Variants in BICDL1 observed in about 807,000 individuals in gnomAD.
BICDL1 encodes BICD family like cargo adaptor 1.
A neutral mutation model predicts 76.8 loss-of-function variants in BICDL1; 20 were observed. That is an observed-to-expected ratio of 0.26 (90% CI 0.18 to 0.38). BICDL1 has a LOEUF of 0.38. Among genes scored for constraint, BICDL1 ranks in the 10% least tolerant of loss-of-function variants. The pLI is 1.00. For synonymous variants in BICDL1, 383 were observed against 337.1 expected (o/e 1.14, Z -1.49); for missense variants, 700 against 798.6 (o/e 0.88, Z 1.49).
At chr12:120,069,174 G>A (rs1215617332) in intron 4 of BICDL1, among the ~76,000 whole-genome samples, 2 of 152,020 alleles carry the variant, frequency 1.3e-5, no homozygotes, top group African/African-American at 4.8e-5. Flanking sequence ...AAGTCTAAAG[G>A]GCATATAATA....
intron 2 of BICDL1, among the ~76,000 whole-genome samples, chr12:120,003,471 A>T (rs941297353): frequency 6.6e-6 from 1 of 152,232 alleles, no homozygotes; most frequent in African/African-American, 2.4e-5. Context: ...CTACCCCTCC[A>T]TGTACTCTTT....
At chr12:120,063,117 C>T (rs769449347) in intron 3 of BICDL1, among the ~76,000 whole-genome samples, 11 of 152,184 alleles carry the variant, frequency 7.2e-5, no homozygotes, top group Middle Eastern at 6.8e-3. Context: ...TTTTTAGGGT[C>T]AGTTGTGTAT....
At chr12:120,024,751 G>A (rs1424036346) in intron 2 of BICDL1, among the ~76,000 whole-genome samples, 1 of 151,908 alleles carries the variant, frequency 6.6e-6, no homozygotes, top group African/African-American at 2.4e-5. Context: ...GCAGTGGCAC[G>A]ATCTTGGCTC....
At chr12:120,024,704 T>G (rs1330833884) in intron 2 of BICDL1, among the ~76,000 whole-genome samples, 1 of 152,076 alleles carries the variant, frequency 6.6e-6, no homozygotes, top group Non-Finnish European at 1.5e-5. Context: ...TCTTTCTTTT[T>G]TTTAACAGAG....
intron 4 of BICDL1, among the ~76,000 whole-genome samples, chr12:120,065,268 C>T (rs1308316662): frequency 1.3e-5 from 2 of 152,222 alleles, no homozygotes; most frequent in African/African-American, 4.8e-5. Context: ...CTGCTGCTGT[C>T]TTCCCAAGCT....
chr12:120,092,620 C>G (rs896776038), intron 9 of BICDL1: 2 of 985,300 alleles, frequency 2.0e-6, no homozygotes, highest in African/African-American at 3.5e-5. Flanking sequence ...GCAAGCCAAA[C>G]CGGAGGCACC....
At chr12:119,996,148 A>T (rs908925201) in intron 1 of BICDL1, among the ~76,000 whole-genome samples, 3 of 152,076 alleles carry the variant, frequency 2.0e-5, no homozygotes, top group Non-Finnish European at 4.4e-5. Flanking sequence ...CAACAGATAC[A>T]CTCGAGTGGC....
At chr12:120,042,757 A>G (rs1190373842) in intron 2 of BICDL1, among the ~76,000 whole-genome samples, 1 of 150,454 alleles carries the variant, frequency 6.6e-6, no homozygotes, top group African/African-American at 2.4e-5. Context: ...GTGAGCCGAG[A>G]TTGTGCCACT....
rs1055088761 is a variant in BICDL1, at chr12:120,079,746, G to C, written c.1453-1141G>C. 9.2e-5 allele frequency among the ~76,000 whole-genome samples: 14 copies of C among 152,212 alleles called. No homozygotes were observed. The highest frequency in any genetic ancestry group is 2.9e-4 in the African/African-American group (12 of 41,460). On this transcript the variant is annotated intron_variant, in intron 7 of 9. Coordinates refer to ENST00000548673, the MANE Select transcript of BICDL1 (RefSeq NM_001367886.1). This position sits in a 1 kb window ranked among gnomAD's most constrained non-coding sequence, Gnocchi z 4.3. ...GAAAGCTTACAGAATCAACAGGAAA[G>C]TGGGAGAACCCGGTTCCAAAACAAG... is the stretch of plus-strand genomic sequence containing the variant.
chr12:120,029,165 T>A (rs780320364), intron 2 of BICDL1, among the ~76,000 whole-genome samples: 1 of 152,136 alleles, frequency 6.6e-6, no homozygotes, highest in Non-Finnish European at 1.5e-5. Flanking sequence ...AGGCCCAAAG[T>A]GTACCCTGTT....
chr12:120,034,732 A>G (rs1312446054), intron 2 of BICDL1, among the ~76,000 whole-genome samples: 2 of 152,118 alleles, frequency 1.3e-5, no homozygotes, highest in Non-Finnish European at 2.9e-5. Context: ...TTCTAAGCTC[A>G]TTCAGGGTGT....
intron 2 of BICDL1, among the ~76,000 whole-genome samples, chr12:120,045,077 A>C: frequency 6.6e-6 from 1 of 152,158 alleles, no homozygotes; most frequent in Non-Finnish European, 1.5e-5. Flanking sequence ...AATTTACAAG[A>C]AAAAAACAAC....
chr12:119,989,462 G>GGCAGCAGCAGCAGCA lies in BICDL1; in HGVS notation c.-404_-390dup, dbSNP rs746391690. 4.8e-5 allele frequency among the ~76,000 whole-genome samples: 7 copies of GGCAGCAGCAGCAGCA among 146,968 alleles called. No homozygotes were observed. The highest frequency in any genetic ancestry group is 2.1e-4 in the South Asian group (1 of 4,710). On this transcript the variant is annotated 5_prime_UTR_variant, in exon 1 of 10. Coordinates refer to ENST00000548673, the MANE Select transcript of BICDL1 (RefSeq NM_001367886.1). ...CGTGAGGCGCTGCCCGGCCGGCGGCGGCAGCAGCAGCAGCAGCGGCAGCGG... is the reference window on the plus strand; with the variant it reads ...CGTGAGGCGCTGCCCGGCCGGCGGCGGCAGCAGCAGCAGCAGCAGCAGCAGCAGCAGCGGCAGCGG...
intron 3 of BICDL1, 52 bp downstream of exon 3, chr12:120,061,878 G>A (rs1953113469): frequency 7.3e-7 from 1 of 1,376,280 alleles, no homozygotes; most frequent in African/African-American, 1.4e-5. Context: ...TTCTCACTGG[G>A]AGACAAAAAA....
At chr12:120,020,523 A>C (rs1246741819) in intron 2 of BICDL1, among the ~76,000 whole-genome samples, 2 of 152,196 alleles carry the variant, frequency 1.3e-5, no homozygotes, top group Non-Finnish European at 2.9e-5. Context: ...TCCAGGAGCA[A>C]CCTTTTTTTT....
At chr12:120,056,989 G>A in intron 2 of BICDL1, 2 of 480,324 alleles carry the variant, frequency 4.2e-6, no homozygotes, top group East Asian at 5.6e-5. Flanking sequence ...GGTTGGATAG[G>A]AGCCCAGTGG....
intron 3 of BICDL1, 102 bp downstream of exon 3, chr12:120,061,928 C>T: frequency 2.8e-6 from 2 of 726,470 alleles, no homozygotes; most frequent in African/African-American, 1.8e-5. Context: ...TACAGAAAGA[C>T]ATTTCTGTGC....
At chr12:120,025,257 A>G (rs534138811) in intron 2 of BICDL1, among the ~76,000 whole-genome samples, 19 of 151,762 alleles carry the variant, frequency 1.3e-4, no homozygotes, top group South Asian at 4.2e-4. Flanking sequence ...TCACCGTGTT[A>G]GCCAGGATGG....
At chr12:119,997,021 T>C (rs912356753) in intron 1 of BICDL1, among the ~76,000 whole-genome samples, 2 of 151,458 alleles carry the variant, frequency 1.3e-5, no homozygotes, top group African/African-American at 4.9e-5. Context: ...CGATCTCGGC[T>C]CACTGCAAGC....
Sources: allele counts gnomAD v4.1 joint callset (sites outside exome capture counted in the v4.1 genomes callset), GRCh38; gene constraint gnomAD v4.1.1; non-coding constraint Gnocchi (gnomAD v3.1); transcripts MANE v1.5; gene names NCBI Gene and HGNC (gene_info 2026-07-23, HGNC 2026-07-21).